TNPO1: variants seen among roughly 807,000 people sequenced by gnomAD.
The protein encoded by TNPO1 is transportin-1.
TNPO1 carries 8 observed loss-of-function variants against 119.5 expected under a neutral mutation model. The observed-to-expected ratio is 0.07, with a 90% CI of 0.04 to 0.12. The LOEUF (loss-of-function observed/expected upper bound fraction) is 0.12, where lower values mean the gene tolerates loss of function less well. TNPO1 is among the 10% of genes least tolerant of loss of function. The probability of loss-of-function intolerance (pLI) is 1.00; values close to 1 mark genes in which losing one functional copy is unlikely to be tolerated. For missense variants in TNPO1, 576 were observed against 1,089.8 expected, an observed-to-expected ratio of 0.53 and a Z score of 6.64; for synonymous variants, 362 against 363.0, an observed-to-expected ratio of 1.00 and a Z score of 0.03.
At chr5:72,877,736 G>A (rs569459668) in intron 9 of TNPO1, among the ~76,000 whole-genome samples, 1 of 151,964 alleles carries the variant, frequency 6.6e-6, no homozygotes, top group Non-Finnish European at 1.5e-5. Flanking sequence ...TTAACTTAAT[G>A]TTAAGCCCAT....
chr5:72,898,375 A>G (rs1337048350), intron 20 of TNPO1, among the ~76,000 whole-genome samples: 1 of 152,146 alleles, frequency 6.6e-6, no homozygotes, highest in Non-Finnish European at 1.5e-5. Context: ...TTTATTTATA[A>G]GATTATATTT....
intron 9 of TNPO1, 94 bp downstream of exon 9, chr5:72,877,440 CAG>C: frequency 1.5e-6 from 1 of 667,866 alleles, no homozygotes; most frequent in South Asian, 2.9e-5. Context: ...CTTTTGCCAT[CAG>C]GGAGTGAGAT....
intron 1 of TNPO1, among the ~76,000 whole-genome samples, chr5:72,838,353 A>G (rs1744775401): frequency 6.6e-6 from 1 of 152,236 alleles, no homozygotes; most frequent in Admixed American, 6.5e-5. Context: ...ATGAGCTATA[A>G]TGGTTATCCC....
At chr5:72,907,314 C>T (rs1750243109) in intron 24 of TNPO1, among the ~76,000 whole-genome samples, 1 of 152,170 alleles carries the variant, frequency 6.6e-6, no homozygotes. Context: ...TCTGTGGTCT[C>T]ATCACCAATC....
chr5:72,861,603 C>G (rs962356280), intron 4 of TNPO1, among the ~76,000 whole-genome samples: 1 of 152,142 alleles, frequency 6.6e-6, no homozygotes, highest in Non-Finnish European at 1.5e-5. Context: ...AGGGTTTCAT[C>G]ATGTTGCCCA....
Position 72,865,494 on chromosome 5 carries a change from G to A in TNPO1, c.463-102G>A, listed in dbSNP as rs962277683. The A allele has an allele frequency of 2.3e-5, 30 of 1,307,334 alleles. No individual in the cohort carries two copies. In the African/African-American group the frequency reaches 4.6e-4, roughly 20 times the overall value. The allele number at this position is 1,307,334 out of a possible 1,614,324, so 81.0% of individuals were successfully genotyped here. On this transcript the variant is annotated intron_variant, in intron 5 of 24. Transcript: ENST00000337273. ...GGATTTTAGAAGGCATTTTATGTGG[G>A]CTGAGAACATTAGTCCATACAAATT...
At chr5:72,886,832 T>A (rs1748677642) in intron 11 of TNPO1, among the ~76,000 whole-genome samples, 1 of 131,986 alleles carries the variant, frequency 7.6e-6, no homozygotes, top group Non-Finnish European at 1.5e-5. Context: ...GAGGTTGCAG[T>A]GAGCCAAGAT....
rs566082948 is a variant in TNPO1, at chr5:72,905,421, T to C, written c.*11T>C. The C allele has an allele frequency of 4.5e-5, 71 of 1,570,964 alleles. No individual in the cohort carries two copies. The East Asian group carries it at 1.5e-3, about 32-fold the overall frequency. Reference sequence around the variant, plus strand: ...TTTTATGGTGTTTAATCTAATACACTTAAGCTGCAGTCCCAAAATTAGGGG... The same window carrying C: ...TTTTATGGTGTTTAATCTAATACACCTAAGCTGCAGTCCCAAAATTAGGGG... On this transcript the variant is annotated 3_prime_UTR_variant, in exon 24 of 25. Transcript: ENST00000337273.
At chr5:72,890,064 T>A in intron 14 of TNPO1, 107 bp downstream of exon 14, 3 of 1,208,114 alleles carry the variant, frequency 2.5e-6, no homozygotes, top group Non-Finnish European at 3.5e-6. Context: ...TGTGAATAGT[T>A]AGCGTTAGCT....
At chr5:72,851,604 T>C (rs1745570232) in intron 3 of TNPO1, among the ~76,000 whole-genome samples, 1 of 152,192 alleles carries the variant, frequency 6.6e-6, no homozygotes, top group South Asian at 2.1e-4. Context: ...GCAATGCTCA[T>C]GCCAAACCTC....
chr5:72,877,197 C>A, intron 8 of TNPO1, 31 bp from the exon 9 acceptor site: 3 of 1,237,286 alleles, frequency 2.4e-6, no homozygotes, highest in Non-Finnish European at 2.3e-6. Context: ...GATTTTTAAA[C>A]TGACTAATAT....
At chr5:72,854,071 C>T (rs976160322) in intron 3 of TNPO1, among the ~76,000 whole-genome samples, 26 of 152,074 alleles carry the variant, frequency 1.7e-4, no homozygotes, top group African/African-American at 3.6e-4. Context: ...CTATATTTCT[C>T]GTAAACAAAG....
intron 14 of TNPO1, among the ~76,000 whole-genome samples, chr5:72,891,158 T>C (rs1236843819): frequency 2.6e-5 from 4 of 151,694 alleles, no homozygotes; most frequent in African/African-American, 9.7e-5. Context: ...ACTAAAAATA[T>C]TCTGTAACTT....
At chr5:72,870,353 G>A (rs1044142295) in intron 6 of TNPO1, among the ~76,000 whole-genome samples, 8 of 151,960 alleles carry the variant, frequency 5.3e-5, no homozygotes, top group Non-Finnish European at 8.8e-5. Context: ...GTGGAGATGG[G>A]GTTTCACCAT....
intron 14 of TNPO1, among the ~76,000 whole-genome samples, chr5:72,890,990 A>G (rs1749006482): frequency 6.6e-6 from 1 of 151,944 alleles, no homozygotes; most frequent in African/African-American, 2.4e-5. Context: ...TGTAGCTGAG[A>G]CCACAGGCGT....
chr5:72,871,325 C>T (rs571255286), intron 6 of TNPO1, among the ~76,000 whole-genome samples: 4 of 152,152 alleles, frequency 2.6e-5, no homozygotes, highest in Non-Finnish European at 5.9e-5. Context: ...GCATAGGTAG[C>T]TTACCCTGTG....
At chr5:72,833,145 A>G (rs899711756) in intron 1 of TNPO1, among the ~76,000 whole-genome samples, 2 of 152,166 alleles carry the variant, frequency 1.3e-5, no homozygotes, top group African/African-American at 4.8e-5. Flanking sequence ...GACAATCCGA[A>G]TTTGAGTTAT....
Position 72,911,348 on chromosome 5 carries a change from T to G in TNPO1, c.*2675T>G, listed in dbSNP as rs1326630070. ...TTTTTTTTATTTAAATGAAATTTAA[T>G]TTGAAAATAGAAAATAAAATTAGGT... On this transcript the variant is annotated 3_prime_UTR_variant, in exon 25 of 25. Transcript: ENST00000337273. 1 of 152,390 alleles carries G rather than the reference T, an allele frequency of 6.6e-6. No homozygotes were observed. The highest frequency in any genetic ancestry group is 1.5e-5 in the Non-Finnish European group (1 of 67,922). The allele number at this position is 152,390 out of a possible 1,614,324, so 9.4% of individuals were successfully genotyped here.
chr5:72,826,276 C>G (rs919422022), intron 1 of TNPO1, among the ~76,000 whole-genome samples: 1 of 152,100 alleles, frequency 6.6e-6, no homozygotes, highest in African/African-American at 2.4e-5. Flanking sequence ...TATTAGGGGT[C>G]AGCAAGCCAC....
Sources: allele counts gnomAD v4.1 joint callset (sites outside exome capture counted in the v4.1 genomes callset), GRCh38; gene constraint gnomAD v4.1.1; transcripts MANE v1.5; gene names NCBI Gene and HGNC (gene_info 2026-07-23, HGNC 2026-07-21).